The following AFAP1 variants were observed in gnomAD, a reference collection of about 807,000 sequenced individuals.
The protein encoded by AFAP1 is actin filament-associated protein 1.
A neutral mutation model predicts 93.9 loss-of-function variants in AFAP1; 75 were observed. That is an observed-to-expected ratio of 0.80 (90% CI 0.66 to 0.97). The LOEUF (loss-of-function observed/expected upper bound fraction) is 0.97. Ranked by LOEUF, AFAP1 falls within the 50% of genes least tolerant of loss-of-function variation. AFAP1 has a pLI of 0.00. For missense variants in AFAP1, 1,201 were observed against 1,050.8 expected (o/e 1.14, Z -1.98); for synonymous variants, 517 against 430.7 (o/e 1.20, Z -2.48).
At chr4:7,784,451 G>A (rs540862687) in intron 12 of AFAP1, among the ~76,000 whole-genome samples, 51 of 152,216 alleles carry the variant, frequency 3.4e-4, no homozygotes, top group Non-Finnish European at 5.9e-4. Context: ...AAAGACAATC[G>A]CTTCACCATT....
chr4:7,814,788 TG>T (rs2149061777), intron 8 of AFAP1, among the ~76,000 whole-genome samples: 1 of 152,256 alleles, frequency 6.6e-6, no homozygotes, highest in Non-Finnish European at 1.5e-5. Flanking sequence ...GCACAGGGGC[TG>T]GGGGGTTAGA....
chr4:7,771,548 G>A (rs1002937827), intron 16 of AFAP1, among the ~76,000 whole-genome samples: 2 of 152,206 alleles, frequency 1.3e-5, no homozygotes, highest in Non-Finnish European at 2.9e-5. Flanking sequence ...TTGGGAAGAT[G>A]TGAATGATGT....
intron 1 of AFAP1, among the ~76,000 whole-genome samples, chr4:7,921,182 T>TTTG (rs1720425438): frequency 2.7e-4 from 1 of 3,750 alleles, no homozygotes; most frequent in African/African-American, 2.6e-3. Flanking sequence ...AGAGCAAAAC[T>TTTG]TTTTTTTTTT....
intron 1 of AFAP1, among the ~76,000 whole-genome samples, chr4:7,912,250 C>T (rs1719776645): frequency 6.6e-6 from 1 of 152,180 alleles, no homozygotes; most frequent in Non-Finnish European, 1.5e-5. Flanking sequence ...ATAAATAATG[C>T]TGCTATGAAC....
At chr4:7,818,851 T>C (rs1720708110) in intron 7 of AFAP1, among the ~76,000 whole-genome samples, 1 of 152,230 alleles carries the variant, frequency 6.6e-6, no homozygotes, top group Non-Finnish European at 1.5e-5. Flanking sequence ...TTTAAATCCA[T>C]TGCTTCATCT....
At chr4:7,796,792 G>A (rs1718470099) in intron 10 of AFAP1, among the ~76,000 whole-genome samples, 1 of 149,920 alleles carries the variant, frequency 6.7e-6, no homozygotes, top group Non-Finnish European at 1.5e-5. Context: ...GGGCACGGTG[G>A]CTCATGCCTG....
chr4:7,816,967 GCTCTCACAC>G (rs1487726215), intron 7 of AFAP1, among the ~76,000 whole-genome samples: 1 of 152,170 alleles, frequency 6.6e-6, no homozygotes, highest in Non-Finnish European at 1.5e-5. Flanking sequence ...CACCGCCCTG[GCTCTCACAC>G]CAGGAACAGC....
intron 8 of AFAP1, among the ~76,000 whole-genome samples, chr4:7,814,152 CAAAG>C (rs1373465338): frequency 3.9e-5 from 6 of 152,098 alleles, no homozygotes; most frequent in Admixed American, 2.0e-4. Context: ...TCAGAAAAGA[CAAAG>C]AACTCTCAAA....
At chr4:7,880,497 C>A (rs1717777239) in intron 1 of AFAP1, among the ~76,000 whole-genome samples, 1 of 152,106 alleles carries the variant, frequency 6.6e-6, no homozygotes, top group Admixed American at 6.5e-5. Context: ...TCAGGCTGGT[C>A]TGGAACCCCT....
At chr4:7,874,130 A>G (rs1292863296) in intron 1 of AFAP1, among the ~76,000 whole-genome samples, 6 of 152,248 alleles carry the variant, frequency 3.9e-5, no homozygotes, top group Non-Finnish European at 7.3e-5. Flanking sequence ...ATGATGTAAC[A>G]AAGTCATGTA....
At chr4:7,830,896 T>G (rs1461718622) in intron 6 of AFAP1, among the ~76,000 whole-genome samples, 1 of 152,164 alleles carries the variant, frequency 6.6e-6, no homozygotes, top group Non-Finnish European at 1.5e-5. Flanking sequence ...GAAGTGAAAG[T>G]ATTTTTTTAA....
intron 6 of AFAP1, among the ~76,000 whole-genome samples, chr4:7,822,795 G>A (rs1242493719): frequency 2.8e-5 from 4 of 145,036 alleles, no homozygotes; most frequent in East Asian, 4.0e-4. Flanking sequence ...GGGTTTCACC[G>A]TGTTAGCCAG....
chr4:7,798,265 G>A (rs149729386), intron 10 of AFAP1, among the ~76,000 whole-genome samples: 16,146 of 122,212 alleles, frequency 0.13, 1,931 homozygotes, highest in Middle Eastern at 0.22. Flanking sequence ...GCTGGCTCAC[G>A]GCACTGCAAC....
rs370703477 is a variant in AFAP1, at chr4:7,769,281, C to T, written c.2254-273G>A. Among the ~76,000 whole-genome samples the T allele has an allele frequency of 5.1e-4, 77 of 152,294 alleles. 3 individuals are homozygous for T. The South Asian group carries it at 0.016, about 31-fold the overall frequency. On this transcript the variant is annotated intron_variant, in intron 16 of 17. Coordinates refer to ENST00000420658, the MANE Select transcript of AFAP1 (RefSeq NM_001134647.2). ...CCTGGGAAGCAGTGAGGGTGGGATT[C>T]CTGCCCTAGTCTTTTGCATTCAAAG...
intron 15 of AFAP1, chr4:7,773,602 TTC>T (rs762178670): frequency 6.6e-6 from 1 of 151,714 alleles, no homozygotes; most frequent in Non-Finnish European, 1.5e-5. Flanking sequence ...GCAGGCGAGG[TTC>T]TCTTTTTCAA....
chr4:7,776,806 G>A (rs963400765), intron 14 of AFAP1: 7 of 152,116 alleles, frequency 4.6e-5, no homozygotes, highest in African/African-American at 1.7e-4. Context: ...TGGCAAACAG[G>A]GCCAAGTCCA....
chr4:7,820,422 G>C (rs1268375482), intron 6 of AFAP1, among the ~76,000 whole-genome samples: 1 of 152,184 alleles, frequency 6.6e-6, no homozygotes, highest in African/African-American at 2.4e-5. Flanking sequence ...AGGGAAGATG[G>C]CAAGACAGAG....
chr4:7,799,618 T>C (rs74884303), intron 10 of AFAP1, among the ~76,000 whole-genome samples: 82 of 152,272 alleles, frequency 5.4e-4, no homozygotes, highest in Non-Finnish European at 1.0e-3. Flanking sequence ...GGCGTGTGAA[T>C]GCACAGATCT....
At chr4:7,825,466 A>C (rs941798832) in intron 6 of AFAP1, among the ~76,000 whole-genome samples, 2 of 152,248 alleles carry the variant, frequency 1.3e-5, no homozygotes, top group Admixed American at 1.3e-4. Context: ...ACTATTTGGA[A>C]AGTAAGCACT....
Sources: gnomAD v4.1 joint callset for allele counts (sites outside exome capture counted in the v4.1 genomes callset) on GRCh38, gnomAD v4.1.1 for gene constraint, MANE v1.5 for transcripts, NCBI Gene and HGNC (gene_info 2026-07-23, HGNC 2026-07-21) for gene names.